The following QRFPR variants were observed in gnomAD, a reference collection of about 807,000 sequenced individuals.
QRFPR encodes the protein pyroglutamylated RFamide peptide receptor.
Under a neutral mutation model 31.3 loss-of-function variants are expected in QRFPR, and 37 were observed. The observed-to-expected ratio is 1.18, with a 90% CI of 0.91 to 1.56. The LOEUF is 1.56. QRFPR is among the 40% of genes most tolerant of loss of function. QRFPR has a pLI of 0.00. For missense variants in QRFPR, 542 were observed against 532.5 expected, an observed-to-expected ratio of 1.02 and a Z score of -0.18; for synonymous variants, 197 against 192.0, an observed-to-expected ratio of 1.03 and a Z score of -0.22.
In QRFPR at chr4:121,380,306, A is replaced by C. The variant is rs1553948926; in HGVS notation, c.340+2T>G. The stretch of plus-strand genomic sequence containing the variant: ...AGCGAAGGAGCGGGGCGCGACTCTT[A>C]CCCCCCAGCCAGTTGTCGGAAATGT... On this transcript the variant is annotated splice_donor_variant, in intron 1 of 5. Coordinates refer to ENST00000394427, the MANE Select transcript of QRFPR (RefSeq NM_198179.3). LOFTEE classifies it high-confidence loss of function. 1 of 1,607,196 alleles carries C rather than the reference A, an allele frequency of 6.2e-7. No individual in the cohort carries two copies. The highest frequency in any genetic ancestry group is 8.5e-7 in the Non-Finnish European group (1 of 1,176,422).
chr4:121,338,622 C>A (rs923657527), intron 2 of QRFPR, among the ~76,000 whole-genome samples: 1 of 152,166 alleles, frequency 6.6e-6, no homozygotes. Context: ...TTTGACATCC[C>A]CTGTCTAGGT....
Position 121,380,636 on chromosome 4 carries a change from A to T in QRFPR, c.12T>A (p.Leu4=), listed in dbSNP as rs894762929. The T allele has an allele frequency of 1.2e-5, 19 of 1,561,584 alleles. No homozygotes were observed. Among genetic ancestry groups the T allele is most frequent in the Non-Finnish European group, 1.5e-5 (17 of 1,149,758 alleles). MQA[L]NITPEQFSRL... ...GAGAGAACTGCTCCGGGGTAATGTTAAGCGCCTGCATTGCTGTGCGCTCCC... is the reference window on the plus strand; with the variant it reads ...GAGAGAACTGCTCCGGGGTAATGTTTAGCGCCTGCATTGCTGTGCGCTCCC... The change falls in exon 1 of 6, where the codon CTT becomes CTA. Residue 4 remains leucine (L), a synonymous_variant. Transcript: ENST00000394427.
intron 1 of QRFPR, among the ~76,000 whole-genome samples, chr4:121,360,318 A>T (rs1725965273): frequency 6.6e-6 from 1 of 152,216 alleles, no homozygotes; most frequent in Non-Finnish European, 1.5e-5. Flanking sequence ...ACTTTCTTAG[A>T]AGCTAACCAC....
intron 5 of QRFPR, 25 bp from the exon 6 acceptor site, chr4:121,329,739 T>A (rs1725286413): frequency 7.1e-7 from 1 of 1,407,892 alleles, no homozygotes; most frequent in East Asian, 2.4e-5. Context: ...TATTTTAGAA[T>A]GTACGTTTAT....
intron 2 of QRFPR, chr4:121,340,108 CAAAAAA>C: frequency 3.0e-5 from 4 of 131,912 alleles, no homozygotes; most frequent in Admixed American, 9.5e-5. Context: ...CACTCTGTCT[CAAAAAA>C]AAAAAAAAAA....
intron 5 of QRFPR, 132 bp downstream of exon 5, chr4:121,330,294 A>T: frequency 1.5e-6 from 1 of 646,824 alleles, no homozygotes; most frequent in Non-Finnish European, 2.7e-6. Flanking sequence ...GATCTTGAAG[A>T]CATGAAAGAA....
At chr4:121,341,854 C>T (rs1725548860) in intron 1 of QRFPR, among the ~76,000 whole-genome samples, 1 of 152,162 alleles carries the variant, frequency 6.6e-6, no homozygotes. Context: ...AGCCCCGCTT[C>T]AGGTCTTCTC....
At chr4:121,333,933 T>C (rs1258409783) in intron 3 of QRFPR, among the ~76,000 whole-genome samples, 12 of 152,186 alleles carry the variant, frequency 7.9e-5, no homozygotes, top group Admixed American at 7.9e-4. Context: ...TCACCAGTCT[T>C]CAATGTGAAT....
At chr4:121,342,330 G>A (rs1725558997) in intron 1 of QRFPR, among the ~76,000 whole-genome samples, 1 of 152,092 alleles carries the variant, frequency 6.6e-6, no homozygotes, top group Non-Finnish European at 1.5e-5. Flanking sequence ...GGGCATCTAG[G>A]TGGCAGATAG....
In QRFPR at chr4:121,362,821, C is replaced by T. The variant is rs1416719032; in HGVS notation, c.340+17487G>A. 2.7e-5 allele frequency among the ~76,000 whole-genome samples: 4 copies of T among 150,220 alleles called. 1 individual carries two copies. The highest frequency in any genetic ancestry group is 5.9e-5 in the Non-Finnish European group (4 of 67,604). ...GAAAGACCACTTAAAAAGAAGTCTG[C>T]CTAGGATAAAAGCAAATCCAATTTA... On this transcript the variant is annotated intron_variant, in intron 1 of 5. Transcript: ENST00000394427.
rs113118329 is a variant in QRFPR at position 121,370,335 on chromosome 4, C to G, written c.340+9973G>C. ...CTCAAGAGCAGGCACTTCTGGTTGT[C>G]TTGAAGCCATTGAAAGGCTGAGATC... is the stretch of plus-strand genomic sequence containing the variant. On this transcript the variant is annotated intron_variant, in intron 1 of 5. Coordinates refer to ENST00000394427, the MANE Select transcript of QRFPR (RefSeq NM_198179.3). 1.6e-4 allele frequency: 119 copies of G among 759,194 alleles called. 2 individuals are homozygous for G. In the African/African-American group the frequency reaches 1.9e-3, roughly 12 times the overall value. The allele number at this position is 759,194 out of a possible 1,614,324, so 47.0% of individuals were successfully genotyped here. A position where few individuals can be genotyped will look rare whatever the true frequency, so the allele number is the denominator to read the frequency against.
intron 2 of QRFPR, among the ~76,000 whole-genome samples, chr4:121,339,973 A>G (rs1461412444): frequency 2.0e-5 from 3 of 151,586 alleles, no homozygotes; most frequent in African/African-American, 7.3e-5. Flanking sequence ...AAAAAAATCG[A>G]CCTGCCCTTG....
At chr4:121,341,220 T>C (rs1196373691) in intron 1 of QRFPR, among the ~76,000 whole-genome samples, 2 of 152,240 alleles carry the variant, frequency 1.3e-5, no homozygotes, top group African/African-American at 4.8e-5. Context: ...TATTTGAATG[T>C]ATTGTCAATC....
chr4:121,334,491 C>T (rs751832709), intron 3 of QRFPR: 5 of 179,866 alleles, frequency 2.8e-5, no homozygotes, highest in South Asian at 2.0e-4. Context: ...AATCTTACCA[C>T]GGGGCACCAA....
At chr4:121,378,977 C>T (rs926445836) in intron 1 of QRFPR, among the ~76,000 whole-genome samples, 1 of 152,128 alleles carries the variant, frequency 6.6e-6, no homozygotes, top group African/African-American at 2.4e-5. Context: ...TCCCCAAAAA[C>T]CAAGTTCCGT....
chr4:121,339,029 A>C (rs1725488866), intron 2 of QRFPR, among the ~76,000 whole-genome samples: 1 of 152,196 alleles, frequency 6.6e-6, no homozygotes, highest in African/African-American at 2.4e-5. Context: ...ATGACATAAA[A>C]TTAAAACTAA....
intron 3 of QRFPR, among the ~76,000 whole-genome samples, chr4:121,334,856 T>A (rs1725401993): frequency 6.6e-6 from 1 of 152,194 alleles, no homozygotes; most frequent in Non-Finnish European, 1.5e-5. Context: ...TCACACTCAC[T>A]GCAAGCTCAG....
rs1726471176 is a variant in QRFPR at position 121,380,535 on chromosome 4, G to A, written c.113C>T (p.Pro38Leu). 1 of 1,612,944 alleles carries A rather than the reference G, an allele frequency of 6.2e-7. No homozygotes were observed. ...LYRLRPLVYT[P>L]ELPGRAKLAL... ...CAGCTTGGCGCGTCCCGGCAGCTCT[G>A]GGGTGTAGACGAGCGGTCGCAGCCG... The change falls in exon 1 of 6, where the codon CCA (proline) becomes CTA (leucine). Residue 38 changes from proline to leucine, a missense_variant. By Grantham distance (98) the Pro-to-Leu change is moderately conservative. Transcript: ENST00000394427.
intron 1 of QRFPR, among the ~76,000 whole-genome samples, chr4:121,364,418 C>G (rs1726047518): frequency 6.7e-6 from 1 of 149,862 alleles, no homozygotes; most frequent in Admixed American, 6.6e-5. Context: ...GGGTGGATCA[C>G]AAGGTCAGGA....
Sources: allele counts gnomAD v4.1 joint callset (sites outside exome capture counted in the v4.1 genomes callset), GRCh38; gene constraint gnomAD v4.1.1; transcripts MANE v1.5; gene names NCBI Gene and HGNC (gene_info 2026-07-23, HGNC 2026-07-21).